PIGG: variants seen among roughly 807,000 people sequenced by gnomAD.
PIGG encodes GPI ethanolamine phosphate transferase 2, catalytic subunit.
Under a neutral mutation model 83.2 loss-of-function variants are expected in PIGG, and 70 were observed. The ratio of observed to expected loss-of-function variants is 0.84; its 90% confidence interval spans 0.69 to 1.03. The LOEUF is 1.03. Among genes scored for constraint, PIGG ranks in the 50% least tolerant of loss-of-function variants. The pLI is 0.00. For synonymous variants in PIGG, 532 were observed against 519.5 expected (o/e 1.02, Z -0.33); for missense variants, 1,257 against 1,233.6 (o/e 1.02, Z -0.28).
intron 8 of PIGG, 171 bp downstream of exon 8, chr4:522,112 C>G (rs926078879): frequency 3.9e-5 from 27 of 695,744 alleles, no homozygotes; most frequent in Non-Finnish European, 6.1e-5. Context: ...CAGCCTTATC[C>G]CAGGCCTCTG....
At chr4:530,314 T>G (rs1282028220) in intron 10 of PIGG, 122 bp from the exon 11 acceptor site, 7 of 701,160 alleles carry the variant, frequency 1.0e-5, no homozygotes, top group African/African-American at 8.9e-5. Flanking sequence ...CGCGGCTCCT[T>G]TAGTCAGCAG....
intron 5 of PIGG, among the ~76,000 whole-genome samples, chr4:513,323 G>C (rs1333577431): frequency 6.6e-6 from 1 of 152,162 alleles, no homozygotes; most frequent in East Asian, 1.9e-4. Context: ...GTTTTGTTAT[G>C]TTAATAAAAA....
intron 11 of PIGG, chr4:531,159 G>A (rs1021259427): frequency 9.0e-5 from 16 of 177,458 alleles, no homozygotes; most frequent in Non-Finnish European, 1.5e-4. Context: ...CTGGTGGGTC[G>A]TCAGGGCTTC....
intron 9 of PIGG, 125 bp downstream of exon 9, chr4:524,038 A>G: frequency 1.6e-6 from 1 of 631,242 alleles, no homozygotes; most frequent in South Asian, 2.2e-5. Flanking sequence ...TTGAGATCTG[A>G]AGAATTGGGA....
chr4:521,187 C>T lies in PIGG; in HGVS notation c.1246C>T (p.Leu416=). ...SKVLRQYLDA[L]KTLSLSLSAQ... ...GGTTCTCAGGCAGTACCTGGATGCT[C>T]TGAAGACGCTGAGCTTGTCCCTGAG... The change falls in exon 7 of 13, where the codon CTG becomes TTG. Residue 416 remains leucine, a synonymous_variant. Transcript: ENST00000453061. 2 of 1,614,126 alleles carry T rather than the reference C, an allele frequency of 1.2e-6. No individual in the cohort carries two copies. The highest frequency in any genetic ancestry group is 1.3e-5 in the African/African-American group (1 of 75,018).
intron 5 of PIGG, among the ~76,000 whole-genome samples, chr4:512,682 G>A (rs10022829): frequency 0.63 from 95,728 of 151,412 alleles, 30,405 homozygotes; most frequent in East Asian, 0.78. Context: ...AGATGTGGTG[G>A]TGGGCGCCTG....
intron 6 of PIGG, among the ~76,000 whole-genome samples, chr4:517,058 G>A (rs1577071922): frequency 6.6e-6 from 1 of 152,200 alleles, no homozygotes; most frequent in East Asian, 1.9e-4. Flanking sequence ...GGGCAGGGCA[G>A]AGGAGATGGC....
rs1553875673 is a variant in PIGG, at chr4:501,164, GA to G, written c.360+569del. Reference sequence around the variant, plus strand: ...GCATTTCCCAAGAACCGTGGGTAAAGAAAAAAGTAAGCCTTTATTGATTGGC... The same window carrying G: ...GCATTTCCCAAGAACCGTGGGTAAAGAAAAAGTAAGCCTTTATTGATTGGC... On this transcript the variant is annotated intron_variant, in intron 2 of 12. Coordinates refer to ENST00000453061, the MANE Select transcript of PIGG (RefSeq NM_001127178.3). 3 of 455,332 alleles carry G rather than the reference GA, an allele frequency of 6.6e-6. No individual in the cohort carries two copies. In the East Asian group the frequency reaches 2.1e-4, roughly 32 times the overall value. The allele number at this position is 455,332 out of a possible 1,614,324, so 28.2% of individuals were successfully genotyped here. A position where few individuals can be genotyped will look rare whatever the true frequency, so the allele number is the denominator to read the frequency against.
In PIGG at chr4:500,405, C is replaced by A. The variant is rs34120878; in HGVS notation, c.164C>A (p.Ser55Tyr). 3,330 of 1,612,718 alleles carry A rather than the reference C, an allele frequency of 2.1e-3. 64 individuals are homozygous for A. In the African/African-American group the frequency reaches 0.039, roughly 19 times the overall value. ...TCTTTCAAACACTTAGGAGCCAGTT[C>A]TAACTGGACCACGCTGCCACCACCT... ...PAPEPSAGAS[S>Y]NWTTLPPPLF... The change falls in exon 2 of 13, where the codon TCT becomes TAT. Residue 55 changes from serine to tyrosine, a missense_variant. Physicochemically the swap from Ser to Tyr is moderately radical, Grantham distance 144. Coordinates refer to ENST00000453061, the MANE Select transcript of PIGG (RefSeq NM_001127178.3).
Position 533,849 on chromosome 4 carries a change from T to A in PIGG, c.2603T>A (p.Ile868Asn). 1 of 1,614,228 alleles carries A rather than the reference T, an allele frequency of 6.2e-7. No individual in the cohort carries two copies. Among genetic ancestry groups the A allele is most frequent in the Non-Finnish European group, 8.5e-7 (1 of 1,180,034 alleles). ...TCCAACAACATTGCCACCGTGGACATCTCCGCAGGCTTCGTGGGCTTAGAC... is the reference window on the plus strand; with the variant it reads ...TCCAACAACATTGCCACCGTGGACAACTCCGCAGGCTTCGTGGGCTTAGAC... ...GNSNNIATVD[I>N]SAGFVGLDTY... The change falls in exon 12 of 13, where the codon ATC (isoleucine) becomes AAC (asparagine). Residue 868 changes from isoleucine (I) to asparagine (N), a missense_variant. Physicochemically the swap from Ile to Asn is moderately radical, Grantham distance 149. Coordinates refer to ENST00000453061, the MANE Select transcript of PIGG (RefSeq NM_001127178.3).
intron 6 of PIGG, among the ~76,000 whole-genome samples, chr4:516,724 C>T (rs1048138345): frequency 6.6e-6 from 1 of 151,968 alleles, no homozygotes; most frequent in Non-Finnish European, 1.5e-5. Context: ...GGCATGGTGG[C>T]GGGCACCTGT....
At chr4:514,532 GCTT>G in intron 5 of PIGG, among the ~76,000 whole-genome samples, 1 of 152,172 alleles carries the variant, frequency 6.6e-6, no homozygotes, top group East Asian at 1.9e-4. Context: ...AGGATGCCCT[GCTT>G]CTTTTTAGTG....
intron 9 of PIGG, 85 bp from the exon 10 acceptor site, chr4:526,954 A>C: frequency 2.0e-5 from 29 of 1,443,134 alleles, no homozygotes; most frequent in Non-Finnish European, 2.6e-5. Flanking sequence ...CTATTTTTTA[A>C]TACCGTTCTT....
intron 10 of PIGG, chr4:527,786 A>G: frequency 1.0e-6 from 1 of 985,432 alleles, no homozygotes; most frequent in Non-Finnish European, 1.2e-6. Context: ...TTTGTGTCAA[A>G]GCAACTGTGT....
chr4:537,123 TTTTAAAAG>T (rs1281505690), intron 12 of PIGG: 1 of 152,256 alleles, frequency 6.6e-6, no homozygotes, highest in African/African-American at 2.4e-5. Context: ...TCTTCTTCCC[TTTTAAAAG>T]TTTAAAGCAT....
chr4:521,216 A>G lies in PIGG; in HGVS notation c.1275A>G (p.Ala425=), dbSNP rs774227481. ...ALKTLSLSLS[A]QVAQYDIYSM... Reference sequence around the variant, plus strand: ...AGACGCTGAGCTTGTCCCTGAGTGCACAAGTGGCCCAGTACGACATCTATT... The same window carrying G: ...AGACGCTGAGCTTGTCCCTGAGTGCGCAAGTGGCCCAGTACGACATCTATT... Residue 425 remains alanine, a synonymous_variant, in exon 7 of 13, where the codon GCA becomes GCG. Transcript: ENST00000453061. The G allele has an allele frequency of 2.5e-6, 4 of 1,614,198 alleles. No homozygotes were observed. The highest frequency in any genetic ancestry group is 2.2e-5 in the South Asian group (2 of 91,084).
At chr4:535,897 C>T (rs1730462481) in intron 12 of PIGG, among the ~76,000 whole-genome samples, 1 of 152,214 alleles carries the variant, frequency 6.6e-6, no homozygotes, top group Admixed American at 6.5e-5. Context: ...CTTGGCCTTG[C>T]CTCCAGACCC....
Position 500,401 on chromosome 4 carries a change from AG to A in PIGG, c.161del (p.Ser54IlefsTer19). The A allele has an allele frequency of 6.2e-7, 1 of 1,612,468 alleles. No homozygotes were observed. Among genetic ancestry groups the A allele is most frequent in the Non-Finnish European group, 8.5e-7 (1 of 1,178,620 alleles). On this transcript the variant is annotated frameshift_variant, in exon 2 of 13. Coordinates refer to ENST00000453061, the MANE Select transcript of PIGG (RefSeq NM_001127178.3). LOFTEE classifies it high-confidence loss of function. ...TTTTTCTTTCAAACACTTAGGAGCC[AG>A]TTCTAACTGGACCACGCTGCCACCA... Reference protein sequence around the residue: ...PPAPEPSAGASSNWTTLPPPL... With the variant: ...PPAPEPSAGAXSNWTTLPPPL...
In PIGG at chr4:521,737, T is replaced by C; in HGVS notation, c.1410T>C (p.Pro470=). 6.2e-7 allele frequency: 1 copy of C among 1,614,190 alleles called. No individual in the cohort carries two copies. Among genetic ancestry groups the C allele is most frequent in the Non-Finnish European group, 8.5e-7 (1 of 1,180,018 alleles). ...KAELEVPLSS[P]GFSLLFYLVI... is the part of the protein sequence containing the mutation. The stretch of plus-strand genomic sequence containing the variant: ...AGCTGGAAGTCCCACTGTCATCTCC[T>C]GGGTTTTCTCTGCTCTTTTATTTGG... The change falls in exon 8 of 13, where the codon CCT becomes CCC. Residue 470 remains proline (P), a synonymous_variant. Coordinates refer to ENST00000453061, the MANE Select transcript of PIGG (RefSeq NM_001127178.3).
Sources: gnomAD v4.1 joint callset for allele counts (sites outside exome capture counted in the v4.1 genomes callset) on GRCh38, gnomAD v4.1.1 for gene constraint, MANE v1.5 for transcripts, NCBI Gene and HGNC (gene_info 2026-07-23, HGNC 2026-07-21) for gene names.